ADARB2: variants seen among roughly 807,000 people sequenced by gnomAD.
ADARB2 encodes the protein adenosine deaminase RNA specific B2 (inactive).
ADARB2 carries 25 observed loss-of-function variants against 62.2 expected under a neutral mutation model. That is an observed-to-expected ratio of 0.40 (90% confidence interval 0.29 to 0.56). The LOEUF is 0.56. ADARB2 is among the 20% of genes least tolerant of loss of function. The probability of loss-of-function intolerance (pLI) is 0.43; values close to 1 mark genes in which losing one functional copy is unlikely to be tolerated. For missense variants in ADARB2, 1,071 were observed against 1,077.4 expected, an observed-to-expected ratio of 0.99 and a Z score of 0.08; for synonymous variants, 572 against 500.8, an observed-to-expected ratio of 1.14 and a Z score of -1.90.
At position 1,673,418 on chromosome 10, in the gene ADARB2, G is replaced by T. The variant is rs560167684; in HGVS notation, c.100+63633C>A. ...GTCTGGGACTTAAAATATCCTAAAT[G>T]AACGTTCATAATTTTTTTTAAGGGA... On this transcript the variant is annotated intron_variant, in intron 1 of 9. Transcript: ENST00000381312. Among the ~76,000 whole-genome samples the T allele has an allele frequency of 2.8e-4, 42 of 151,818 alleles. No individual in the cohort carries two copies. The Middle Eastern group carries it at 0.014, about 49-fold the overall frequency.
In ADARB2 at chr10:1,179,264, T is replaced by A. The variant is rs1251411911; in HGVS notation, c.*3929A>T. The A allele has an allele frequency of 1.3e-5, 2 of 151,086 alleles. No individual in the cohort carries two copies. The highest frequency in any genetic ancestry group is 4.9e-5 in the African/African-American group (2 of 41,056). 9.4% of individuals were successfully genotyped at this position (151,086 alleles called of 1,614,324 possible). On this transcript the variant is annotated 3_prime_UTR_variant, in exon 10 of 10. Transcript: ENST00000381312. ...AGAAAAGCTCCCTGTGAAAACAAAA[T>A]GAGATGGAGAAATATGATCTGTGTG...
At position 1,654,328 on chromosome 10, in the gene ADARB2, C is replaced by A. The variant is rs147902532; in HGVS notation, c.100+82723G>T. Among the ~76,000 whole-genome samples, 5 of 152,334 alleles carry A rather than the reference C, an allele frequency of 3.3e-5. No individual in the cohort carries two copies. The East Asian group carries it at 9.7e-4, about 29-fold the overall frequency. The stretch of plus-strand genomic sequence containing the variant: ...CACGCCTCCCCCGAGGGTCTTAGCT[C>A]ACCCAAGGCTGCAGTGTGAGGGCCA... On this transcript the variant is annotated intron_variant, in intron 1 of 9. Coordinates refer to ENST00000381312, the MANE Select transcript of ADARB2 (RefSeq NM_018702.4).
At chr10:1,625,340 G>A (rs1433769370) in intron 1 of ADARB2, among the ~76,000 whole-genome samples, 1 of 152,200 alleles carries the variant, frequency 6.6e-6, no homozygotes, top group East Asian at 1.9e-4. Flanking sequence ...ACAGACAGTC[G>A]ACGTGGGTTG....
chr10:1,220,048 A>ATGGTGG (rs532695137), intron 6 of ADARB2, among the ~76,000 whole-genome samples: 3 of 118,802 alleles, frequency 2.5e-5, no homozygotes, highest in African/African-American at 9.7e-5. Context: ...GGTAATGGTG[A>ATGGTGG]TGGTGGTGGT....
chr10:1,292,823 C>T (rs904805126), intron 3 of ADARB2: 1 of 152,086 alleles, frequency 6.6e-6, no homozygotes, highest in African/African-American at 2.4e-5. Flanking sequence ...AGCCTGTTCT[C>T]CAGAGAAAGC....
chr10:1,189,294 A>C (rs1440189420), intron 8 of ADARB2, among the ~76,000 whole-genome samples: 1 of 152,042 alleles, frequency 6.6e-6, no homozygotes, highest in African/African-American at 2.4e-5. Context: ...GTGCCGTACA[A>C]AGACATGCAG....
chr10:1,517,618 T>C (rs1273389732), intron 1 of ADARB2, among the ~76,000 whole-genome samples: 3 of 152,226 alleles, frequency 2.0e-5, no homozygotes, highest in Admixed American at 1.3e-4. Context: ...GCTAATGCCA[T>C]GTGTCACCTC....
chr10:1,543,216 C>T (rs1428206883), intron 1 of ADARB2, among the ~76,000 whole-genome samples: 3 of 152,212 alleles, frequency 2.0e-5, no homozygotes, highest in African/African-American at 7.2e-5. Flanking sequence ...AGAAGCCGGG[C>T]GTCCTGCCCG....
In ADARB2 at chr10:1,364,096, C is replaced by G. The variant is rs556507948; in HGVS notation, c.188-179G>C. On this transcript the variant is annotated intron_variant, in intron 2 of 9. Coordinates refer to ENST00000381312, the MANE Select transcript of ADARB2 (RefSeq NM_018702.4). ...AGCCCCTGGGAGCCTATGGCCCATG[C>G]GGGGAAGTAGCGTCCTTGGTCCCTT... Among the ~76,000 whole-genome samples the G allele has an allele frequency of 4.7e-4, 72 of 152,310 alleles. 1 individual carries two copies. Among genetic ancestry groups the G allele is most frequent in the Non-Finnish European group, 2.1e-4 (14 of 68,024 alleles).
At chr10:1,262,400 T>C (rs1831150254) in intron 4 of ADARB2, among the ~76,000 whole-genome samples, 1 of 151,742 alleles carries the variant, frequency 6.6e-6, no homozygotes, top group Admixed American at 6.6e-5. Context: ...GACAAAGGGC[T>C]AATATCCAGA....
intron 1 of ADARB2, among the ~76,000 whole-genome samples, chr10:1,439,792 C>T (rs1588258695): frequency 1.3e-5 from 2 of 149,006 alleles, no homozygotes; most frequent in East Asian, 2.0e-4. Flanking sequence ...GAGGCAGTCT[C>T]CTCATGATGG....
chr10:1,345,895 C>A (rs1470703888), intron 3 of ADARB2, among the ~76,000 whole-genome samples: 1 of 152,208 alleles, frequency 6.6e-6, no homozygotes. Flanking sequence ...GCCTCCACAC[C>A]AAACCCTGCA....
chr10:1,376,912 G>C (rs1188401817), intron 2 of ADARB2, among the ~76,000 whole-genome samples: 1 of 149,108 alleles, frequency 6.7e-6, no homozygotes, highest in South Asian at 2.2e-4. Flanking sequence ...GTGTGTGTGC[G>C]CATGTGCTTG....
chr10:1,389,444 A>G (rs1361039713), intron 1 of ADARB2, among the ~76,000 whole-genome samples: 1 of 152,242 alleles, frequency 6.6e-6, no homozygotes, highest in Non-Finnish European at 1.5e-5. Context: ...AAAGGATAAC[A>G]AATCTCCACT....
intron 3 of ADARB2, among the ~76,000 whole-genome samples, chr10:1,283,268 A>G (rs776281536): frequency 9.9e-5 from 15 of 152,182 alleles, no homozygotes; most frequent in East Asian, 3.9e-4. Flanking sequence ...CTGACTTTCT[A>G]TTGGTTAATA....
chr10:1,323,596 T>C (rs1831815083), intron 3 of ADARB2, among the ~76,000 whole-genome samples: 1 of 152,198 alleles, frequency 6.6e-6, no homozygotes, highest in Admixed American at 6.5e-5. Flanking sequence ...CTATAGTAAT[T>C]GATCATGTGA....
At chr10:1,548,792 G>A (rs1832565800) in intron 1 of ADARB2, among the ~76,000 whole-genome samples, 1 of 152,204 alleles carries the variant, frequency 6.6e-6, no homozygotes, top group Non-Finnish European at 1.5e-5. Flanking sequence ...GGCTAATGGT[G>A]TCACGTGATG....
Position 1,200,042 on chromosome 10 carries a change from T to A in ADARB2, c.1788A>T (p.Ala596=), listed in dbSNP as rs79155735. Residue 596 remains alanine (A), a synonymous_variant, in exon 8 of 10, where the codon GCA becomes GCT. Coordinates refer to ENST00000381312, the MANE Select transcript of ADARB2 (RefSeq NM_018702.4). ...CCTCCATGCGGTGGCTCATGACGCG[T>A]GCGAGGTGGCCCGTGTGGTGCAGGC... is the stretch of plus-strand genomic sequence containing the variant. The part of the protein sequence containing the change: ...VGSLHHTGHL[A]RVMSHRMEGV... The A allele has an allele frequency of 6.3e-7, 1 of 1,596,766 alleles. No individual in the cohort carries two copies. The highest frequency in any genetic ancestry group is 1.3e-5 in the African/African-American group (1 of 74,896).
chr10:1,577,775 C>T (rs187562491), intron 1 of ADARB2, among the ~76,000 whole-genome samples: 2 of 152,334 alleles, frequency 1.3e-5, no homozygotes, highest in Admixed American at 1.3e-4. Context: ...GCCCTAACCC[C>T]CAGGACATCA....
Sources: gnomAD v4.1 joint callset for allele counts (sites outside exome capture counted in the v4.1 genomes callset) on GRCh38, gnomAD v4.1.1 for gene constraint, MANE v1.5 for transcripts, NCBI Gene and HGNC (gene_info 2026-07-23, HGNC 2026-07-21) for gene names.